The following UNC5D variants were observed in gnomAD, a reference collection of about 807,000 sequenced individuals.
UNC5D encodes netrin receptor UNC5D.
A neutral mutation model predicts 105.4 loss-of-function variants in UNC5D; 39 were observed. The ratio of observed to expected loss-of-function variants is 0.37; its 90% CI spans 0.29 to 0.48. The LOEUF (loss-of-function observed/expected upper bound fraction) is 0.48, where lower values mean the gene tolerates loss of function less well. UNC5D is among the 20% of genes least tolerant of loss of function. UNC5D has a pLI of 0.98. For missense variants in UNC5D, 991 were observed against 1,202.4 expected (o/e 0.82, Z 2.60); for synonymous variants, 452 against 450.4 (o/e 1.00, Z -0.04).
intron 1 of UNC5D, among the ~76,000 whole-genome samples, chr8:35,410,924 A>G (rs1805122751): frequency 6.6e-6 from 1 of 152,112 alleles, no homozygotes. Flanking sequence ...CTATCATGAG[A>G]AATGTGCCTG....
At position 35,671,750 on chromosome 8, in the gene UNC5D, G is replaced by A. The variant is rs143289243; in HGVS notation, c.571-11797G>A. Among the ~76,000 whole-genome samples the A allele has an allele frequency of 1.1e-4, 16 of 152,184 alleles. No homozygotes were observed. In the East Asian group the frequency reaches 2.5e-3, roughly 24 times the overall value. ...TGTCTGTCAGCTGAGGGGAAACTTG[G>A]ATAGAGTGTCTAGTAATCAAAGGAA... On this transcript the variant is annotated intron_variant, in intron 4 of 16. Transcript: ENST00000404895.
intron 1 of UNC5D, among the ~76,000 whole-genome samples, chr8:35,512,491 T>TATATATATATATATAG (rs1277293242): frequency 4.2e-4 from 49 of 115,694 alleles, no homozygotes; most frequent in Non-Finnish European, 6.9e-4. Context: ...TATATATATA[T>TATATATATATATATAG]ATATATATAT....
intron 1 of UNC5D, among the ~76,000 whole-genome samples, chr8:35,267,107 C>T (rs1804934028): frequency 6.9e-6 from 1 of 144,354 alleles, no homozygotes; most frequent in Non-Finnish European, 1.5e-5. Flanking sequence ...TTTTGATGAG[C>T]CGTTAAGGGA....
chr8:35,459,736 G>T (rs1808755439), intron 1 of UNC5D, among the ~76,000 whole-genome samples: 1 of 152,188 alleles, frequency 6.6e-6, no homozygotes, highest in Non-Finnish European at 1.5e-5. Context: ...GAGTCAACTT[G>T]TATTGTCAAA....
intron 4 of UNC5D, among the ~76,000 whole-genome samples, chr8:35,608,591 T>G (rs1820466776): frequency 6.6e-6 from 1 of 152,172 alleles, no homozygotes; most frequent in Admixed American, 6.6e-5. Context: ...TTCTACACTC[T>G]ATGTCCCCCT....
rs539746259 is a variant in UNC5D, at chr8:35,621,019, C to G, written c.570+25362C>G. Among the ~76,000 whole-genome samples, 6 of 152,292 alleles carry G rather than the reference C, an allele frequency of 3.9e-5. No homozygotes were observed. In the East Asian group the frequency reaches 1.2e-3, roughly 29 times the overall value. ...CTGTTCAGGGTACGATGTTGAGCAACATCCTTGGCCTCTACCCATTCCATG... is the reference window on the plus strand; with the variant it reads ...CTGTTCAGGGTACGATGTTGAGCAAGATCCTTGGCCTCTACCCATTCCATG... On this transcript the variant is annotated intron_variant, in intron 4 of 16. Transcript: ENST00000404895.
chr8:35,487,900 C>G (rs1416925665), intron 1 of UNC5D, among the ~76,000 whole-genome samples: 1 of 152,124 alleles, frequency 6.6e-6, no homozygotes, highest in African/African-American at 2.4e-5. Flanking sequence ...ACTTGATTGA[C>G]TTGTTTTCTA....
At chr8:35,560,004 G>A (rs1397515423) in intron 2 of UNC5D, among the ~76,000 whole-genome samples, 1 of 152,172 alleles carries the variant, frequency 6.6e-6, no homozygotes, top group African/African-American at 2.4e-5. Flanking sequence ...TGCTGCCAAC[G>A]TTAGTCTATC....
At chr8:35,784,680 G>T (rs1235004749) in intron 16 of UNC5D, among the ~76,000 whole-genome samples, 2 of 151,960 alleles carry the variant, frequency 1.3e-5, no homozygotes, top group African/African-American at 2.4e-5. Flanking sequence ...CCTGGGAGGT[G>T]GAGGTTGCAG....
At chr8:35,619,133 G>A (rs1353325462) in intron 4 of UNC5D, among the ~76,000 whole-genome samples, 1 of 152,200 alleles carries the variant, frequency 6.6e-6, no homozygotes, top group East Asian at 1.9e-4. Flanking sequence ...AAATAAATAT[G>A]TAAATAAGCA....
At chr8:35,679,113 G>A (rs1401548846) in intron 4 of UNC5D, among the ~76,000 whole-genome samples, 5 of 152,070 alleles carry the variant, frequency 3.3e-5, no homozygotes, top group Admixed American at 3.3e-4. Context: ...ATAACCTGGT[G>A]TGGTGACATA....
chr8:35,350,993 A>G (rs746347055), intron 1 of UNC5D, among the ~76,000 whole-genome samples: 2 of 152,126 alleles, frequency 1.3e-5, no homozygotes, highest in Non-Finnish European at 2.9e-5. Flanking sequence ...AACAGACTGT[A>G]TCTTGAGACT....
chr8:35,263,946 A>G (rs753856638), intron 1 of UNC5D, among the ~76,000 whole-genome samples: 2 of 152,236 alleles, frequency 1.3e-5, no homozygotes, highest in Non-Finnish European at 2.9e-5. Context: ...TTATCAGAAA[A>G]TAATGCACTC....
chr8:35,704,588 T>A (rs185569633), intron 7 of UNC5D, among the ~76,000 whole-genome samples: 4 of 152,288 alleles, frequency 2.6e-5, no homozygotes, highest in East Asian at 1.9e-4. Flanking sequence ...AGTCTGTGAA[T>A]GATTATCAAC....
At chr8:35,431,987 A>T (rs1343932748) in intron 1 of UNC5D, among the ~76,000 whole-genome samples, 1 of 152,188 alleles carries the variant, frequency 6.6e-6, no homozygotes, top group Non-Finnish European at 1.5e-5. Context: ...AATTAATTTT[A>T]TGACATAATC....
At chr8:35,236,363 CA>C in intron 1 of UNC5D, among the ~76,000 whole-genome samples, 1 of 143,874 alleles carries the variant, frequency 7.0e-6, no homozygotes, top group African/African-American at 2.6e-5. Context: ...AGGGGAGGAA[CA>C]CCCATGCTGA....
intron 1 of UNC5D, among the ~76,000 whole-genome samples, chr8:35,390,010 T>C (rs868684176): frequency 1.3e-5 from 2 of 152,202 alleles, no homozygotes; most frequent in East Asian, 3.8e-4. Context: ...TCGCTCTTGG[T>C]TCTGCATGGT....
chr8:35,734,689 T>C (rs1829371516), intron 11 of UNC5D, among the ~76,000 whole-genome samples: 1 of 151,228 alleles, frequency 6.6e-6, no homozygotes, highest in South Asian at 2.1e-4. Context: ...GGATTATAGG[T>C]GTGAGCCACC....
chr8:35,249,112 A>G (rs1301786894), intron 1 of UNC5D, among the ~76,000 whole-genome samples: 1 of 130,400 alleles, frequency 7.7e-6, no homozygotes, highest in African/African-American at 2.9e-5. Flanking sequence ...AAATATATAT[A>G]TTATATATAT....
Sources: allele counts gnomAD v4.1 joint callset (sites outside exome capture counted in the v4.1 genomes callset), GRCh38; gene constraint gnomAD v4.1.1; transcripts MANE v1.5; gene names NCBI Gene and HGNC (gene_info 2026-07-23, HGNC 2026-07-21).